The following GLRA2 variants were observed in gnomAD, a reference collection of about 807,000 sequenced individuals.
The protein encoded by GLRA2 is glycine receptor subunit alpha-2.
A neutral mutation model predicts 31.6 loss-of-function variants in GLRA2; 11 were observed. The observed-to-expected ratio is 0.35, with a 90% CI of 0.22 to 0.58. The LOEUF is 0.58. Among genes scored for constraint, GLRA2 ranks in the 20% least tolerant of loss-of-function variants. The pLI, the probability that GLRA2 is intolerant of heterozygous loss-of-function variation, is 0.84. For synonymous variants in GLRA2, 132 were observed against 134.0 expected (o/e 0.99, Z 0.10); for missense variants, 212 against 351.8 (o/e 0.60, Z 3.18).
At chrX:14,580,121 G>A (rs931114724) in intron 3 of GLRA2, among the ~76,000 whole-genome samples, 3 of 111,347 alleles carry the variant, frequency 2.7e-5, no homozygotes, top group African/African-American at 9.8e-5. Flanking sequence ...GAGAGTTTTG[G>A]GGCCAAAATT....
chrX:14,558,566 G>A (rs2089682193), intron 2 of GLRA2, among the ~76,000 whole-genome samples: 1 of 111,763 alleles, frequency 8.9e-6, no homozygotes, highest in African/African-American at 3.3e-5. Flanking sequence ...TCTTAAAAGT[G>A]ATCACTCTTT....
the GLRA2 span, among the ~76,000 whole-genome samples, chrX:14,471,730 G>A: frequency 8.9e-6 from 1 of 112,326 alleles, no homozygotes; most frequent in Non-Finnish European, 1.9e-5. Context: ...TGATTCACTG[G>A]AAGATGGTTT....
At chrX:14,498,129 TAAAAAAACAAA>T in the GLRA2 span, among the ~76,000 whole-genome samples, 7 of 108,298 alleles carry the variant, frequency 6.5e-5, no homozygotes, top group African/African-American at 2.4e-4. Flanking sequence ...CATGGTTACC[TAAAAAAACAAA>T]AAAAAAACCA....
At chrX:14,458,675 G>A in the GLRA2 span, among the ~76,000 whole-genome samples, 2 of 112,195 alleles carry the variant, frequency 1.8e-5, no homozygotes, top group African/African-American at 6.5e-5. Flanking sequence ...GTCTTCTTTT[G>A]AGAAGTGTCT....
chrX:14,533,824 T>C (rs1208289058), intron 2 of GLRA2, among the ~76,000 whole-genome samples: 1 of 110,950 alleles, frequency 9.0e-6, no homozygotes, highest in Non-Finnish European at 1.9e-5. Context: ...TAGATGGAAA[T>C]AGGAAAGTAC....
At chrX:14,456,986 A>G in the GLRA2 span, among the ~76,000 whole-genome samples, 9 of 111,720 alleles carry the variant, frequency 8.1e-5, no homozygotes, top group Non-Finnish European at 1.5e-4. Flanking sequence ...ACTGTGTAAA[A>G]GGGTTCCTTT....
Position 14,626,557 on chromosome X carries a change from T to G in GLRA2, c.930+17352T>G, listed in dbSNP as rs776100607. Among the ~76,000 whole-genome samples, 7 of 111,845 alleles carry G rather than the reference T, an allele frequency of 6.3e-5. No homozygotes were observed. In the South Asian group the frequency reaches 1.9e-3, roughly 30 times the overall value. ...CAAGCACATTCCTCCTCAGCACACT[T>G]TCTCAGTTTAACTCAGTTGCTGTTT... is the stretch of plus-strand genomic sequence containing the variant. On this transcript the variant is annotated intron_variant, in intron 7 of 8. Transcript: ENST00000218075.
chrX:14,684,540 G>T (rs2091253842), intron 7 of GLRA2, among the ~76,000 whole-genome samples: 1 of 111,443 alleles, frequency 9.0e-6, no homozygotes, highest in South Asian at 3.8e-4. Context: ...CATATCTCTT[G>T]TGAACTGGAT....
At chrX:14,537,190 A>G (rs1007086160) in intron 2 of GLRA2, among the ~76,000 whole-genome samples, 1 of 111,685 alleles carries the variant, frequency 9.0e-6, no homozygotes, top group African/African-American at 3.2e-5. Context: ...GGGACTATGT[A>G]TATATTAGTA....
At chrX:14,627,392 C>G (rs779670213) in intron 7 of GLRA2, among the ~76,000 whole-genome samples, 4 of 111,257 alleles carry the variant, frequency 3.6e-5, no homozygotes, top group Non-Finnish European at 5.7e-5. Context: ...AAGCCAGAAT[C>G]CAAACTTCAC....
the GLRA2 span, among the ~76,000 whole-genome samples, chrX:14,468,210 G>C: frequency 8.9e-6 from 1 of 112,208 alleles, no homozygotes; most frequent in African/African-American, 3.2e-5. Context: ...TAGAATATTT[G>C]CATTTCAATG....
chrX:14,490,479 T>G, the GLRA2 span, among the ~76,000 whole-genome samples: 1 of 112,569 alleles, frequency 8.9e-6, no homozygotes, highest in African/African-American at 3.2e-5. Flanking sequence ...TATGTATCTT[T>G]TCCTTAAAGT....
intron 7 of GLRA2, among the ~76,000 whole-genome samples, chrX:14,675,915 T>C (rs1242528056): frequency 8.9e-6 from 1 of 112,398 alleles, no homozygotes; most frequent in Non-Finnish European, 1.9e-5. Flanking sequence ...TTACTAGCTA[T>C]ATAAAGTTTA....
intron 2 of GLRA2, among the ~76,000 whole-genome samples, chrX:14,559,343 C>T (rs1023742134): frequency 3.7e-5 from 4 of 107,391 alleles, no homozygotes; most frequent in Non-Finnish European, 5.7e-5. Context: ...GCAGAAGAAT[C>T]GATACATAAT....
chrX:14,558,825 A>ATT (rs995170803), intron 2 of GLRA2, among the ~76,000 whole-genome samples: 2 of 100,915 alleles, frequency 2.0e-5, no homozygotes, highest in Non-Finnish European at 2.0e-5. Flanking sequence ...TTTGTCTAGA[A>ATT]TTTTTTTTTT....
chrX:14,567,724 A>G (rs2089825580), intron 2 of GLRA2, among the ~76,000 whole-genome samples: 1 of 112,298 alleles, frequency 8.9e-6, no homozygotes. Context: ...CTACGTATAG[A>G]AAACCCCAAA....
chrX:14,611,928 G>A (rs2090402231), intron 7 of GLRA2, among the ~76,000 whole-genome samples: 3 of 111,938 alleles, frequency 2.7e-5, no homozygotes, highest in Admixed American at 9.5e-5. Flanking sequence ...AATTACTTTT[G>A]TACCAACCTA....
rs767622641 is a variant in GLRA2 at position 14,544,945 on chromosome X, A to G, written c.202+12573A>G. Reference sequence around the variant, plus strand: ...GATAAATAACGGAGTAGGGGTAGGGAAATAGTGATGCCACCTCAGACTTAA... The same window carrying G: ...GATAAATAACGGAGTAGGGGTAGGGGAATAGTGATGCCACCTCAGACTTAA... On this transcript the variant is annotated intron_variant, in intron 2 of 8. Transcript: ENST00000218075. 3.6e-5 allele frequency among the ~76,000 whole-genome samples: 4 copies of G among 111,421 alleles called. No homozygotes were observed. In the South Asian group the frequency reaches 1.1e-3, roughly 31 times the overall value.
chrX:14,669,368 G>A (rs2091067299), intron 7 of GLRA2, among the ~76,000 whole-genome samples: 1 of 111,554 alleles, frequency 9.0e-6, no homozygotes, highest in African/African-American at 3.3e-5. Context: ...TCGGAAGGAC[G>A]GTGGCCCTCT....
Sources: gnomAD v4.1 joint callset for allele counts (sites outside exome capture counted in the v4.1 genomes callset) on GRCh38, gnomAD v4.1.1 for gene constraint, MANE v1.5 for transcripts, NCBI Gene and HGNC (gene_info 2026-07-23, HGNC 2026-07-21) for gene names.